GTF2F2: variants seen among roughly 807,000 people sequenced by gnomAD.
GTF2F2 encodes ATP-dependent helicase GTF2F2.
In GTF2F2, 23 loss-of-function variants were observed where a neutral mutation model predicts 42.2. The ratio of observed to expected loss-of-function variants is 0.55; its 90% confidence interval spans 0.39 to 0.77. The LOEUF is 0.77. Among genes scored for constraint, GTF2F2 ranks in the 30% least tolerant of loss-of-function variants. The pLI is 0.00. For synonymous variants in GTF2F2, 105 were observed against 100.8 expected (o/e 1.04, Z -0.25); for missense variants, 261 against 287.2 (o/e 0.91, Z 0.66).
chr13:45,248,678 G>A (rs1242171113), intron 5 of GTF2F2, among the ~76,000 whole-genome samples: 1 of 152,066 alleles, frequency 6.6e-6, no homozygotes, highest in East Asian at 1.9e-4. Flanking sequence ...GTTTCGCCAT[G>A]TTGGGCAAGC....
chr13:45,212,254 A>G lies in GTF2F2; in HGVS notation c.386+4749A>G, dbSNP rs187870230. Among the ~76,000 whole-genome samples, 6 of 152,274 alleles carry G rather than the reference A, an allele frequency of 3.9e-5. No individual in the cohort carries two copies. The East Asian group carries it at 7.7e-4, about 20-fold the overall frequency. On this transcript the variant is annotated intron_variant, in intron 5 of 7. Coordinates refer to ENST00000340473, the MANE Select transcript of GTF2F2 (RefSeq NM_004128.3). Reference sequence around the variant, plus strand: ...ACTGCATAGTTTTTAGTCATATTCAAGTTTTTTTATTATCTGGCTCTTGTC... The same window carrying G: ...ACTGCATAGTTTTTAGTCATATTCAGGTTTTTTTATTATCTGGCTCTTGTC...
At chr13:45,230,726 T>C (rs771826515) in intron 5 of GTF2F2, among the ~76,000 whole-genome samples, 6 of 152,244 alleles carry the variant, frequency 3.9e-5, no homozygotes, top group African/African-American at 1.4e-4. Context: ...ATAACTTTAC[T>C]TTGAACTAGG....
chr13:45,245,371 AT>A (rs1252460856), intron 5 of GTF2F2, among the ~76,000 whole-genome samples: 7 of 151,692 alleles, frequency 4.6e-5, no homozygotes, highest in Admixed American at 3.9e-4. Flanking sequence ...TTCAGTGGTG[AT>A]TTGTGAGATT....
At chr13:45,134,458 G>A (rs1383882220) in intron 1 of GTF2F2, among the ~76,000 whole-genome samples, 1 of 152,136 alleles carries the variant, frequency 6.6e-6, no homozygotes, top group Non-Finnish European at 1.5e-5. Flanking sequence ...AAAGAGTCCT[G>A]AGGGCATCAT....
intron 2 of GTF2F2, among the ~76,000 whole-genome samples, chr13:45,146,041 T>C (rs1870177990): frequency 6.6e-6 from 1 of 152,142 alleles, no homozygotes; most frequent in Non-Finnish European, 1.5e-5. Flanking sequence ...TGGGCTCTGA[T>C]ACCTTGCCCC....
chr13:45,271,274 GAAAAAAGAAAAA>G, intron 7 of GTF2F2, among the ~76,000 whole-genome samples: 1 of 147,288 alleles, frequency 6.8e-6, no homozygotes, highest in Admixed American at 6.8e-5. Flanking sequence ...CTGAGCGACA[GAAAAAAGAAAAA>G]AAAAAAGAAA....
At chr13:45,187,491 T>C (rs1224376554) in intron 4 of GTF2F2, among the ~76,000 whole-genome samples, 3 of 152,218 alleles carry the variant, frequency 2.0e-5, no homozygotes, top group African/African-American at 7.2e-5. Flanking sequence ...TTATGTATTT[T>C]TTAAGAGAAG....
intron 2 of GTF2F2, among the ~76,000 whole-genome samples, chr13:45,142,494 G>T (rs1869977364): frequency 6.6e-6 from 1 of 152,162 alleles, no homozygotes; most frequent in African/African-American, 2.4e-5. Context: ...AGGGAATCTA[G>T]TGGTTTTTAC....
chr13:45,194,086 G>A lies in GTF2F2; in HGVS notation c.305-13338G>A, dbSNP rs750333759. 10 of 1,613,928 alleles carry A rather than the reference G, an allele frequency of 6.2e-6. No homozygotes were observed. In the East Asian group the frequency reaches 1.6e-4, roughly 25 times the overall value. ...CTTTATTTTTGATATGAAATCAGGAGCATTACAGAAGATTCTTAATCCTTG... is the reference window on the plus strand; with the variant it reads ...CTTTATTTTTGATATGAAATCAGGAACATTACAGAAGATTCTTAATCCTTG... On this transcript the variant is annotated intron_variant, in intron 4 of 7. Coordinates refer to ENST00000340473, the MANE Select transcript of GTF2F2 (RefSeq NM_004128.3).
chr13:45,270,127 G>A (rs1207147847), intron 7 of GTF2F2, among the ~76,000 whole-genome samples: 1 of 152,068 alleles, frequency 6.6e-6, no homozygotes, highest in Non-Finnish European at 1.5e-5. Context: ...ACCGTTCCTG[G>A]CCAAAACCTT....
intron 7 of GTF2F2, among the ~76,000 whole-genome samples, chr13:45,273,074 C>T (rs557758609): frequency 4.0e-5 from 6 of 151,532 alleles, no homozygotes; most frequent in South Asian, 2.1e-4. Context: ...TACGGGCGCC[C>T]GCCACCACGC....
intron 6 of GTF2F2, among the ~76,000 whole-genome samples, chr13:45,255,853 T>C (rs1359062873): frequency 1.3e-5 from 2 of 152,218 alleles, no homozygotes; most frequent in African/African-American, 4.8e-5. Context: ...CAAGAAAGAC[T>C]GCACTTTCAT....
intron 7 of GTF2F2, among the ~76,000 whole-genome samples, chr13:45,272,426 A>G (rs1876831645): frequency 2.2e-5 from 3 of 139,330 alleles, no homozygotes; most frequent in African/African-American, 8.6e-5. Context: ...TGGCTCTTTA[A>G]AAAAAAAAAA....
intron 4 of GTF2F2, among the ~76,000 whole-genome samples, chr13:45,196,559 A>G (rs565116923): frequency 2.0e-5 from 3 of 152,360 alleles, no homozygotes; most frequent in South Asian, 2.1e-4. Flanking sequence ...GTAGCATCAT[A>G]TAATAGCAAA....
At chr13:45,258,663 GTATTT>G (rs1356462808) in intron 6 of GTF2F2, among the ~76,000 whole-genome samples, 1 of 152,166 alleles carries the variant, frequency 6.6e-6, no homozygotes, top group Non-Finnish European at 1.5e-5. Flanking sequence ...GCAAATCACT[GTATTT>G]TGAGAGCAAA....
At chr13:45,218,807 G>A (rs988787862) in intron 5 of GTF2F2, among the ~76,000 whole-genome samples, 1 of 152,174 alleles carries the variant, frequency 6.6e-6, no homozygotes, top group African/African-American at 2.4e-5. Flanking sequence ...CTATTAGGAA[G>A]AACTAATTTA....
At chr13:45,159,817 A>G (rs537419089) in intron 4 of GTF2F2, among the ~76,000 whole-genome samples, 51 of 152,286 alleles carry the variant, frequency 3.3e-4, no homozygotes, top group African/African-American at 1.1e-3. Flanking sequence ...AATGGGAAAC[A>G]TTAATTTGGT....
chr13:45,146,913 C>A (rs1280808632), intron 2 of GTF2F2, among the ~76,000 whole-genome samples: 1 of 152,178 alleles, frequency 6.6e-6, no homozygotes, highest in African/African-American at 2.4e-5. Context: ...TGTAGAATAA[C>A]AAAAGGTTAT....
chr13:45,177,020 C>T (rs774264766), intron 4 of GTF2F2, among the ~76,000 whole-genome samples: 2 of 151,966 alleles, frequency 1.3e-5, no homozygotes, highest in Non-Finnish European at 1.5e-5. Context: ...GAACTCCTGG[C>T]CTCAAGTGAT....
Sources: allele counts gnomAD v4.1 joint callset (sites outside exome capture counted in the v4.1 genomes callset), GRCh38; gene constraint gnomAD v4.1.1; transcripts MANE v1.5; gene names NCBI Gene and HGNC (gene_info 2026-07-23, HGNC 2026-07-21).